The following ABCD3 variants were observed in gnomAD, a reference collection of about 807,000 sequenced individuals.
ABCD3 encodes the protein ATP binding cassette subfamily D member 3, also known as ATP-binding cassette sub-family D member 3.
ABCD3 carries 41 observed loss-of-function variants against 105.5 expected under a neutral mutation model. That is an observed-to-expected ratio of 0.39 (90% CI 0.30 to 0.50). The LOEUF (loss-of-function observed/expected upper bound fraction) is 0.50, where lower values mean the gene tolerates loss of function less well. Among genes scored for constraint, ABCD3 ranks in the 20% least tolerant of loss-of-function variants. The probability of loss-of-function intolerance (pLI) is 0.84; values close to 1 mark genes in which losing one functional copy is unlikely to be tolerated. For synonymous variants in ABCD3, 258 were observed against 269.0 expected (o/e 0.96, Z 0.40); for missense variants, 622 against 806.3 (o/e 0.77, Z 2.77).
chr1:94,507,105 G>A (rs1448692422), intron 21 of ABCD3, among the ~76,000 whole-genome samples: 1 of 151,808 alleles, frequency 6.6e-6, no homozygotes, highest in Non-Finnish European at 1.5e-5. Flanking sequence ...TCATCATCTA[G>A]CATTAGGTAT....
chr1:94,455,461 G>A (rs1237213785), intron 1 of ABCD3, among the ~76,000 whole-genome samples: 2 of 151,972 alleles, frequency 1.3e-5, no homozygotes, highest in African/African-American at 4.8e-5. Flanking sequence ...GAGTAGCTGG[G>A]ATTACAGGCA....
intron 1 of ABCD3, among the ~76,000 whole-genome samples, chr1:94,448,549 G>A (rs1047778594): frequency 1.3e-5 from 2 of 152,218 alleles, no homozygotes. Context: ...CGGAGCTTTT[G>A]TAGCTGTAAT....
intron 1 of ABCD3, among the ~76,000 whole-genome samples, chr1:94,448,124 T>G (rs1157276233): frequency 6.6e-6 from 1 of 152,204 alleles, no homozygotes; most frequent in African/African-American, 2.4e-5. Context: ...CAAGCAGGAC[T>G]TAGTAGAGTG....
chr1:94,508,715 G>T (rs1246207247), intron 21 of ABCD3, among the ~76,000 whole-genome samples: 1 of 151,676 alleles, frequency 6.6e-6, no homozygotes, highest in Non-Finnish European at 1.5e-5. Context: ...CACATCCCTT[G>T]TAAGTTGGAT....
In ABCD3 at chr1:94,514,950, G is replaced by A. The variant is rs529282874; in HGVS notation, c.1846-196G>A. On this transcript the variant is annotated intron_variant, in intron 21 of 22. Transcript: ENST00000370214. The stretch of plus-strand genomic sequence containing the variant: ...ATACACTTAATGCCAGTACCTGGTA[G>A]TTTTTATTATGTGGTTGATGGCCAG... 5.3e-4 allele frequency: 293 copies of A among 550,584 alleles called. 8 individuals are homozygous for A. In the South Asian group the frequency reaches 6.2e-3, roughly 12 times the overall value. The allele number at this position is 550,584 out of a possible 1,614,324, so 34.1% of individuals were successfully genotyped here. A position where few individuals can be genotyped will look rare whatever the true frequency, so the allele number is the denominator to read the frequency against.
chr1:94,391,263 T>G, the ABCD3 span, among the ~76,000 whole-genome samples: 1 of 151,938 alleles, frequency 6.6e-6, no homozygotes, highest in Non-Finnish European at 1.5e-5. Flanking sequence ...TTATATTAGG[T>G]TGGTGCAAAA....
intron 7 of ABCD3, among the ~76,000 whole-genome samples, chr1:94,477,113 T>A (rs1327288642): frequency 5.3e-5 from 8 of 151,590 alleles, no homozygotes; most frequent in Non-Finnish European, 2.9e-5. Context: ...GTAAGTTAGA[T>A]GTTTTAAACA....
chr1:94,432,758 A>G (rs969224823), intron 1 of ABCD3: 1 of 152,248 alleles, frequency 6.6e-6, no homozygotes, highest in African/African-American at 2.4e-5. Context: ...ATTAAATTAC[A>G]AAGTGAAATT....
At chr1:94,466,482 G>T (rs1466262132) in intron 3 of ABCD3, among the ~76,000 whole-genome samples, 4 of 151,904 alleles carry the variant, frequency 2.6e-5, no homozygotes. Context: ...CCTGACTTTG[G>T]CCTTCCTTTT....
chr1:94,389,258 G>C, the ABCD3 span, among the ~76,000 whole-genome samples: 32 of 152,224 alleles, frequency 2.1e-4, 1 homozygote, highest in Admixed American at 2.1e-3. Flanking sequence ...GCATTGTTGG[G>C]AACAGGCCCC....
chr1:94,450,917 C>A (rs1238979348), intron 1 of ABCD3, among the ~76,000 whole-genome samples: 1 of 152,178 alleles, frequency 6.6e-6, no homozygotes, highest in African/African-American at 2.4e-5. Flanking sequence ...ATCATCCTCC[C>A]AGATAGTAAA....
intron 1 of ABCD3, among the ~76,000 whole-genome samples, chr1:94,454,602 G>C (rs1044360401): frequency 9.9e-5 from 15 of 152,136 alleles, no homozygotes; most frequent in Admixed American, 9.8e-4. Flanking sequence ...TTGACCTAGA[G>C]ATAGTAGGTC....
intron 15 of ABCD3, among the ~76,000 whole-genome samples, chr1:94,490,362 ATGT>A (rs776064032): frequency 1.3e-5 from 2 of 151,932 alleles, no homozygotes; most frequent in Non-Finnish European, 2.9e-5. Context: ...CATCACTGAA[ATGT>A]TGTGCCATTT....
the ABCD3 span, among the ~76,000 whole-genome samples, chr1:94,385,837 T>C: frequency 6.6e-6 from 1 of 152,116 alleles, no homozygotes; most frequent in African/African-American, 2.4e-5. Context: ...CATATAGATA[T>C]ATGTCTATAT....
chr1:94,486,373 A>C (rs1030674844), intron 10 of ABCD3, among the ~76,000 whole-genome samples: 2 of 152,168 alleles, frequency 1.3e-5, no homozygotes, highest in African/African-American at 4.8e-5. Context: ...TTTACTAGTT[A>C]TGCTCTTTCA....
chr1:94,401,512 A>G, the ABCD3 span, among the ~76,000 whole-genome samples: 1,436 of 152,380 alleles, frequency 9.4e-3, 27 homozygotes, highest in African/African-American at 0.033. Flanking sequence ...TAAATCCCAC[A>G]GGGCATTCTT....
intron 1 of ABCD3, among the ~76,000 whole-genome samples, chr1:94,433,634 T>G (rs981038417): frequency 6.6e-6 from 1 of 151,918 alleles, no homozygotes; most frequent in Non-Finnish European, 1.5e-5. Flanking sequence ...GTCAGTTTTT[T>G]TTTTTTTTTT....
chr1:94,454,947 TG>T (rs1468749562), intron 1 of ABCD3, among the ~76,000 whole-genome samples: 2 of 152,216 alleles, frequency 1.3e-5, no homozygotes, highest in East Asian at 3.8e-4. Context: ...CCACCACACC[TG>T]GCCTAGAACT....
intron 21 of ABCD3, 90 bp downstream of exon 21, chr1:94,506,732 C>A: frequency 1.2e-6 from 1 of 869,430 alleles, no homozygotes; most frequent in Non-Finnish European, 1.9e-6. Flanking sequence ...GATTCCAGGT[C>A]ACTAAGTAAC....
Sources: gnomAD v4.1 joint callset for allele counts (sites outside exome capture counted in the v4.1 genomes callset) on GRCh38, gnomAD v4.1.1 for gene constraint, MANE v1.5 for transcripts, NCBI Gene and HGNC (gene_info 2026-07-23, HGNC 2026-07-21) for gene names.